The following IQSEC1 variants were observed in gnomAD, a reference collection of about 807,000 sequenced individuals.
IQSEC1 encodes IQ motif and SEC7 domain-containing protein 1.
Under a neutral mutation model 91.0 loss-of-function variants are expected in IQSEC1, and 31 were observed. That is an observed-to-expected ratio of 0.34 (90% CI 0.26 to 0.46). The LOEUF (loss-of-function observed/expected upper bound fraction) is 0.46, where lower values mean the gene tolerates loss of function less well. Among genes scored for constraint, IQSEC1 ranks in the 20% least tolerant of loss-of-function variants. The pLI is 1.00. For missense variants in IQSEC1, 1,388 were observed against 1,575.6 expected (o/e 0.88, Z 2.02); for synonymous variants, 699 against 662.6 (o/e 1.05, Z -0.84).
At chr3:12,947,106 A>AG (rs1699229487) in intron 1 of IQSEC1, among the ~76,000 whole-genome samples, 1 of 152,260 alleles carries the variant, frequency 6.6e-6, no homozygotes. Context: ...GGGGCTGTGC[A>AG]GCCGGGAGGA....
At chr3:13,118,758 T>C (rs1298640866) in intron 2 of IQSEC1, among the ~76,000 whole-genome samples, 2 of 152,130 alleles carry the variant, frequency 1.3e-5, no homozygotes, top group Admixed American at 1.3e-4. Flanking sequence ...ACTGCGAACG[T>C]ACTTAACGTC....
Position 12,924,583 on chromosome 3 carries a change from G to A in IQSEC1, c.1728C>T (p.Leu576=), listed in dbSNP as rs768036999. Residue 576 remains leucine, a splice_region_variant and synonymous_variant, in exon 4 of 14, where the codon CTC becomes CTT. Transcript: ENST00000613206. The surrounding 1 kb of genome is among the most constrained non-coding windows in gnomAD (Gnocchi z 6.3). ...CACCACCCCCATGCAGAACTTACTCGAGCACGTCACGGTTGAACTGCTTCT... is the reference window on the plus strand; with the variant it reads ...CACCACCCCCATGCAGAACTTACTCAAGCACGTCACGGTTGAACTGCTTCT... ...NRQKQFNRDV[L]DCVVDEMDFS... is the part of the protein sequence containing the mutation. The A allele has an allele frequency of 1.3e-5, 20 of 1,593,190 alleles. No individual in the cohort carries two copies. The South Asian group carries it at 1.4e-4, about 11-fold the overall frequency.
At chr3:13,112,245 G>C (rs1199792728) in intron 2 of IQSEC1, among the ~76,000 whole-genome samples, 17 of 152,228 alleles carry the variant, frequency 1.1e-4, no homozygotes, top group Admixed American at 1.1e-3. Flanking sequence ...CACGGCAGGT[G>C]CCTGGAAGGA....
chr3:13,100,275 T>G (rs1307789766), intron 2 of IQSEC1, among the ~76,000 whole-genome samples: 1 of 148,112 alleles, frequency 6.8e-6, no homozygotes, highest in Non-Finnish European at 1.5e-5. Context: ...ATTGGCTGGC[T>G]CCTTCCTCTC....
intron 1 of IQSEC1, among the ~76,000 whole-genome samples, chr3:13,210,021 G>A (rs1455672013): frequency 6.6e-6 from 1 of 152,172 alleles, no homozygotes; most frequent in Non-Finnish European, 1.5e-5. Context: ...TAGGCTCACT[G>A]TGTGACCTTG....
At chr3:13,038,294 AT>A (rs1704120242) in intron 1 of IQSEC1, among the ~76,000 whole-genome samples, 1 of 135,920 alleles carries the variant, frequency 7.4e-6, no homozygotes, top group African/African-American at 2.7e-5. Flanking sequence ...ATATATATAT[AT>A]ATAAAATGAA....
At position 13,207,621 on chromosome 3, in the gene IQSEC1, G is replaced by A. The variant is rs1694367636; in HGVS notation, c.273-43488C>T. ...TGTCTCCTGCCCCAGCCTCTGCCCTGGCCTCCCTGAGGCTCCTCACTTGTC... is the reference window on the plus strand; with the variant it reads ...TGTCTCCTGCCCCAGCCTCTGCCCTAGCCTCCCTGAGGCTCCTCACTTGTC... On this transcript the variant is annotated intron_variant, in intron 1 of 15. Transcript: ENST00000648114. This position sits in a 1 kb window ranked among gnomAD's most constrained non-coding sequence, Gnocchi z 4.8. Among the ~76,000 whole-genome samples, 1 of 152,138 alleles carries A rather than the reference G, an allele frequency of 6.6e-6. No individual in the cohort carries two copies. Among genetic ancestry groups the A allele is most frequent in the African/African-American group, 2.4e-5 (1 of 41,426 alleles).
intron 1 of IQSEC1, among the ~76,000 whole-genome samples, chr3:13,273,297 A>T (rs920880502): frequency 1.3e-5 from 2 of 152,150 alleles, no homozygotes; most frequent in Non-Finnish European, 2.9e-5. Flanking sequence ...GGCCAGCCCA[A>T]GGGAAGTGAA....
At chr3:13,096,864 C>CTTT (rs71066943) in intron 2 of IQSEC1, among the ~76,000 whole-genome samples, 88 of 142,452 alleles carry the variant, frequency 6.2e-4, no homozygotes, top group Middle Eastern at 3.6e-3. Context: ...TTCTTTCTTT[C>CTTT]TTTTTTTTTT....
intron 1 of IQSEC1, among the ~76,000 whole-genome samples, chr3:13,067,030 A>G (rs1559245946): frequency 6.6e-6 from 1 of 152,182 alleles, no homozygotes; most frequent in Admixed American, 6.5e-5. Context: ...AACTTTCCAG[A>G]TGAGGTCAGA....
At chr3:13,174,602 C>T (rs1425604939) in intron 1 of IQSEC1, among the ~76,000 whole-genome samples, 1 of 152,184 alleles carries the variant, frequency 6.6e-6, no homozygotes, top group Non-Finnish European at 1.5e-5. Context: ...CCAGAATCAG[C>T]CCTTTCCCAA....
intron 1 of IQSEC1, among the ~76,000 whole-genome samples, chr3:13,222,876 C>T (rs978474328): frequency 1.3e-5 from 2 of 152,238 alleles, no homozygotes; most frequent in African/African-American, 2.4e-5. Flanking sequence ...TGGGGACTGG[C>T]TGGTCCCCCA....
chr3:13,048,778 A>G (rs996259605), intron 1 of IQSEC1, among the ~76,000 whole-genome samples: 2 of 152,092 alleles, frequency 1.3e-5, no homozygotes, highest in Non-Finnish European at 2.9e-5. Context: ...CGAATCCCCA[A>G]TGCCAGGCCC....
rs867952592 is a variant in IQSEC1 at position 12,967,911 on chromosome 3, C to G, written c.24-26046G>C. ...AGGGGGCGGGGGGTCAGGGGCGGGG[C>G]GTCAGGGGCGGGGCTACGCGCAGGG... On this transcript the variant is annotated intron_variant, in intron 1 of 13. Coordinates refer to ENST00000613206, the MANE Select transcript of IQSEC1 (RefSeq NM_001134382.3). The surrounding 1 kb of genome is among the most constrained non-coding windows in gnomAD (Gnocchi z 5.9). Among the ~76,000 whole-genome samples the G allele has an allele frequency of 2.4e-4, 12 of 49,870 alleles. No individual in the cohort carries two copies. The highest frequency in any genetic ancestry group is 4.2e-4 in the East Asian group (1 of 2,354). The allele number at this position is 49,870 out of a possible 152,430, so 32.7% of individuals were successfully genotyped here. A position where few individuals can be genotyped will look rare whatever the true frequency, so the allele number is the denominator to read the frequency against.
At chr3:13,098,062 G>A (rs1705994911) in intron 2 of IQSEC1, among the ~76,000 whole-genome samples, 1 of 152,252 alleles carries the variant, frequency 6.6e-6, no homozygotes, top group South Asian at 2.1e-4. Context: ...TGCCCTCAAT[G>A]TCTGTCCTGC....
At chr3:13,249,791 GGAGGACGCCAACAGA>G (rs1394921104) in intron 1 of IQSEC1, among the ~76,000 whole-genome samples, 5 of 152,222 alleles carry the variant, frequency 3.3e-5, no homozygotes, top group African/African-American at 1.2e-4. Flanking sequence ...GCACAGAGGA[GGAGGACGCCAACAGA>G]GCAGACGCTG....
chr3:13,222,154 A>G (rs1453955900), intron 1 of IQSEC1, among the ~76,000 whole-genome samples: 1 of 16,896 alleles, frequency 5.9e-5, no homozygotes. Context: ...CCCCTCCCCC[A>G]GCCCCTGGCA....
chr3:12,961,445 C>T (rs1250580946), intron 1 of IQSEC1, among the ~76,000 whole-genome samples: 1 of 152,258 alleles, frequency 6.6e-6, no homozygotes, highest in African/African-American at 2.4e-5. Flanking sequence ...TAACCATCCA[C>T]TTCTTTGTGG....
intron 1 of IQSEC1, among the ~76,000 whole-genome samples, chr3:13,197,867 G>A (rs948441744): frequency 1.3e-4 from 20 of 152,224 alleles, no homozygotes; most frequent in South Asian, 4.1e-4. Flanking sequence ...CCCAGCCAGC[G>A]GGAAGAAAAA....
Sources: allele counts gnomAD v4.1 joint callset (sites outside exome capture counted in the v4.1 genomes callset), GRCh38; gene constraint gnomAD v4.1.1; non-coding constraint Gnocchi (gnomAD v3.1); transcripts MANE v1.5; gene names NCBI Gene and HGNC (gene_info 2026-07-23, HGNC 2026-07-21).